Variants in TRIP11 observed in about 807,000 individuals in gnomAD.
TRIP11 encodes thyroid receptor-interacting protein 11.
TRIP11 carries 148 observed loss-of-function variants against 223.1 expected under a neutral mutation model. The observed-to-expected ratio is 0.66, with a 90% CI of 0.58 to 0.76. TRIP11 has a LOEUF of 0.76. Ranked by LOEUF, TRIP11 falls within the 30% of genes least tolerant of loss-of-function variation. The pLI is 0.00. For synonymous variants in TRIP11, 762 were observed against 772.6 expected, an observed-to-expected ratio of 0.99 and a Z score of 0.23; for missense variants, 2,043 against 2,222.0, an observed-to-expected ratio of 0.92 and a Z score of 1.62.
chr14:91,988,245 G>A (rs1363672566), intron 16 of TRIP11, 39 bp downstream of exon 16: 1 of 1,479,088 alleles, frequency 6.8e-7, no homozygotes, highest in South Asian at 1.2e-5. Context: ...TTTAATATCA[G>A]TATTGTAGTG....
chr14:92,018,972 A>AC (rs2057074680), intron 4 of TRIP11, among the ~76,000 whole-genome samples: 1 of 150,972 alleles, frequency 6.6e-6, no homozygotes, highest in South Asian at 2.1e-4. Flanking sequence ...AAAAAAAAAA[A>AC]AAAAAACAAA....
At chr14:91,993,944 T>C (rs1364414076) in intron 14 of TRIP11, 32 bp from the exon 15 acceptor site, 5 of 1,533,568 alleles carry the variant, frequency 3.3e-6, no homozygotes, top group African/African-American at 1.4e-5. Flanking sequence ...CATTAGTATT[T>C]TGCAATCGTG....
At chr14:92,001,014 C>T (rs966338675) in intron 11 of TRIP11, among the ~76,000 whole-genome samples, 30 of 151,988 alleles carry the variant, frequency 2.0e-4, no homozygotes, top group African/African-American at 7.2e-4. Flanking sequence ...GCATGCACCA[C>T]CACGTCTGGC....
intron 7 of TRIP11, among the ~76,000 whole-genome samples, chr14:92,013,888 G>C (rs971860437): frequency 6.6e-6 from 1 of 152,288 alleles, no homozygotes; most frequent in Admixed American, 6.5e-5. Flanking sequence ...TAAGCACTCA[G>C]GGCTTTGCTT....
Position 91,969,391 on chromosome 14 carries a change from TTGTC to T in TRIP11, c.*278_*281del, listed in dbSNP as rs1160329096. 1.2e-4 allele frequency: 51 copies of T among 432,602 alleles called. No homozygotes were observed. The highest frequency in any genetic ancestry group is 9.1e-4 in the African/African-American group (47 of 51,484). 26.8% of individuals were successfully genotyped at this position (432,602 alleles called of 1,614,324 possible). A position where few individuals can be genotyped will look rare whatever the true frequency, so the allele number is the denominator to read the frequency against. ...AGCTGCCATATAGCTACTAGTATTTTTGTCTGTCTGTATTTTTGTAAATTAAGGT... is the reference window on the plus strand; with the variant it reads ...AGCTGCCATATAGCTACTAGTATTTTTGTCTGTATTTTTGTAAATTAAGGT... On this transcript the variant is annotated 3_prime_UTR_variant, in exon 21 of 21. Coordinates refer to ENST00000267622, the MANE Select transcript of TRIP11 (RefSeq NM_004239.4).
intron 5 of TRIP11, among the ~76,000 whole-genome samples, chr14:92,017,024 T>C (rs567611569): frequency 6.6e-6 from 1 of 152,124 alleles, no homozygotes; most frequent in Non-Finnish European, 1.5e-5. Context: ...GTATTTCCAA[T>C]GCATGATATT....
At chr14:91,974,963 A>G (rs1021973489) in intron 18 of TRIP11, among the ~76,000 whole-genome samples, 3 of 152,234 alleles carry the variant, frequency 2.0e-5, no homozygotes, top group Non-Finnish European at 4.4e-5. Flanking sequence ...CAGCATCCTG[A>G]TATGAGTAGT....
rs760215676 is a variant in TRIP11 at position 92,003,619 on chromosome 14, T to C, written c.4357A>G (p.Ile1453Val). 70 of 1,614,058 alleles carry C rather than the reference T, an allele frequency of 4.3e-5. 1 individual carries two copies. The South Asian group carries it at 7.4e-4, about 17-fold the overall frequency. Residue 1453 changes from isoleucine (I) to valine (V), a missense_variant, in exon 11 of 21, where the codon ATT becomes GTT. Ile to Val is a conservative substitution (Grantham distance 29). Coordinates refer to ENST00000267622, the MANE Select transcript of TRIP11 (RefSeq NM_004239.4). ...AGTTTGCCAATGTCCATCTCTAGAA[T>C]TAATATTCTCTCCTTCAGGTTTGTT... is the stretch of plus-strand genomic sequence containing the variant. Reference protein sequence around the residue: ...AVTNLKERILILEMDIGKLKG... With the variant: ...AVTNLKERILVLEMDIGKLKG...
chr14:92,000,893 C>T (rs1275411912), intron 11 of TRIP11, among the ~76,000 whole-genome samples: 1 of 148,288 alleles, frequency 6.7e-6, no homozygotes, highest in Admixed American at 6.8e-5. Context: ...CGGAGTCTTG[C>T]TCTGTTGCCC....
At position 92,000,037 on chromosome 14, in the gene TRIP11, T is replaced by C. The variant is rs1409435213; in HGVS notation, c.4629A>G (p.Gln1543=). Residue 1543 remains glutamine, a synonymous_variant, in exon 12 of 21, where the codon CAA becomes CAG. Transcript: ENST00000267622. ...CCAACATGACTTGGTCTCTCTCCTG[T>C]TGAAACACAACTGTCTTCTCCTGCA... The part of the protein sequence containing the change: ...KSMQEKTVVF[Q]QERDQVMLAL... The C allele has an allele frequency of 4.3e-6, 7 of 1,614,028 alleles. No homozygotes were observed. Among genetic ancestry groups the C allele is most frequent in the Non-Finnish European group, 5.1e-6 (6 of 1,179,960 alleles).
At position 91,976,521 on chromosome 14, in the gene TRIP11, G is replaced by A. The variant is rs184568929; in HGVS notation, c.5261-332C>T. Among the ~76,000 whole-genome samples the A allele has an allele frequency of 5.4e-4, 82 of 152,314 alleles. 1 individual carries two copies. The highest frequency in any genetic ancestry group is 1.8e-3 in the African/African-American group (73 of 41,588). On this transcript the variant is annotated intron_variant, in intron 16 of 20. Transcript: ENST00000267622. ...GATTTTCATCACTGCCTCCTTGCAT[G>A]AAACATTTCCAGAGCCACTCTTATT...
intron 16 of TRIP11, among the ~76,000 whole-genome samples, chr14:91,987,845 A>G (rs2056621734): frequency 6.6e-6 from 1 of 152,218 alleles, no homozygotes; most frequent in African/African-American, 2.4e-5. Context: ...GTGGTAAAAC[A>G]CCATCTACAA....
At chr14:92,026,451 T>C in intron 2 of TRIP11, 2 of 673,462 alleles carry the variant, frequency 3.0e-6, no homozygotes, top group Non-Finnish European at 5.4e-6. Context: ...AAGCCATCTT[T>C]GCATTGTTCC....
chr14:91,983,232 C>A (rs930389764), intron 16 of TRIP11, among the ~76,000 whole-genome samples: 1 of 152,302 alleles, frequency 6.6e-6, no homozygotes, highest in Non-Finnish European at 1.5e-5. Context: ...TGTAAACCTC[C>A]TGAAGGCAGG....
intron 16 of TRIP11, among the ~76,000 whole-genome samples, chr14:91,980,392 A>AG (rs1214347787): frequency 6.6e-6 from 1 of 152,202 alleles, no homozygotes; most frequent in Non-Finnish European, 1.5e-5. Context: ...CACCTGACTG[A>AG]GAAAAAAAAG....
At chr14:92,013,009 C>T (rs1465532882) in intron 7 of TRIP11, among the ~76,000 whole-genome samples, 2 of 152,208 alleles carry the variant, frequency 1.3e-5, no homozygotes, top group Non-Finnish European at 2.9e-5. Flanking sequence ...TGGCTCACGC[C>T]TGTAATCCCA....
chr14:91,980,344 T>G lies in TRIP11; in HGVS notation c.5261-4155A>C, dbSNP rs75263479. Among the ~76,000 whole-genome samples, 1,108 of 152,238 alleles carry G rather than the reference T, an allele frequency of 7.3e-3. 31 individuals carry two copies. The South Asian group carries it at 0.077, about 11-fold the overall frequency. On this transcript the variant is annotated intron_variant, in intron 16 of 20. Coordinates refer to ENST00000267622, the MANE Select transcript of TRIP11 (RefSeq NM_004239.4). Reference sequence around the variant, plus strand: ...TCATTTGGATATTTCATGAGTAAGCTCCTGTAGGCAAGATCCAAGTCAGAT... The same window carrying G: ...TCATTTGGATATTTCATGAGTAAGCGCCTGTAGGCAAGATCCAAGTCAGAT...
At position 92,025,532 on chromosome 14, in the gene TRIP11, T is replaced by G. The variant is rs994156196; in HGVS notation, c.202-112A>C. 5.0e-5 allele frequency: 37 copies of G among 742,410 alleles called. 2 individuals are homozygous for G. The South Asian group carries it at 5.5e-4, about 11-fold the overall frequency. The allele number at this position is 742,410 out of a possible 1,614,324, so 46.0% of individuals were successfully genotyped here. ...TTTCCCCCCCCAAAAATGTCAAATA[T>G]AAAAGGTCTCGGACAGAATTCTGGA... is the stretch of plus-strand genomic sequence containing the variant. On this transcript the variant is annotated intron_variant, in intron 2 of 20. Coordinates refer to ENST00000267622, the MANE Select transcript of TRIP11 (RefSeq NM_004239.4).
At chr14:91,983,487 G>A (rs2056568452) in intron 16 of TRIP11, among the ~76,000 whole-genome samples, 1 of 152,112 alleles carries the variant, frequency 6.6e-6, no homozygotes, top group Non-Finnish European at 1.5e-5. Context: ...CATTCTTATT[G>A]CTATATCATT....
Sources: gnomAD v4.1 joint callset for allele counts (sites outside exome capture counted in the v4.1 genomes callset) on GRCh38, gnomAD v4.1.1 for gene constraint, MANE v1.5 for transcripts, NCBI Gene and HGNC (gene_info 2026-07-23, HGNC 2026-07-21) for gene names.